CAMK2B: variants seen among roughly 807,000 people sequenced by gnomAD.
The protein encoded by CAMK2B is calcium/calmodulin-dependent protein kinase type II subunit beta.
In CAMK2B, 27 loss-of-function variants were observed where a neutral mutation model predicts 93.7. The ratio of observed to expected loss-of-function variants is 0.29; its 90% CI spans 0.21 to 0.40. CAMK2B has a LOEUF of 0.40. Ranked by LOEUF, CAMK2B falls within the 10% of genes least tolerant of loss-of-function variation. The probability of loss-of-function intolerance (pLI) is 1.00; values close to 1 mark genes in which losing one functional copy is unlikely to be tolerated. For synonymous variants in CAMK2B, 374 were observed against 358.8 expected (o/e 1.04, Z -0.48); for missense variants, 568 against 895.8 (o/e 0.63, Z 4.67).
At chr7:44,246,819 AC>A (rs1298555216) in intron 6 of CAMK2B, among the ~76,000 whole-genome samples, 1 of 152,164 alleles carries the variant, frequency 6.6e-6, no homozygotes, top group Non-Finnish European at 1.5e-5. Flanking sequence ...ACATGCACAC[AC>A]ATACTTCTAT....
At chr7:44,246,807 G>A (rs933166304) in intron 6 of CAMK2B, among the ~76,000 whole-genome samples, 4 of 151,900 alleles carry the variant, frequency 2.6e-5, no homozygotes, top group African/African-American at 9.7e-5. Flanking sequence ...ACACACGTAT[G>A]CACATGCACA....
rs1349213122 is a variant in CAMK2B at position 44,302,970 on chromosome 7, CTT to C, written c.66-18747_66-18746del. Among the ~76,000 whole-genome samples the C allele has an allele frequency of 2.6e-5, 4 of 152,094 alleles. No homozygotes were observed. The East Asian group carries it at 7.7e-4, about 29-fold the overall frequency. On this transcript the variant is annotated intron_variant, in intron 1 of 23. Coordinates refer to ENST00000395749, the MANE Select transcript of CAMK2B (RefSeq NM_001220.5). Reference sequence around the variant, plus strand: ...ATTGGAAAGGAAGAAATAAAACTGTCTTTGTTCATAAATGATATGCCTATATA... The same window carrying C: ...ATTGGAAAGGAAGAAATAAAACTGTCTGTTCATAAATGATATGCCTATATA...
chr7:44,290,987 T>G (rs963159243), intron 1 of CAMK2B, among the ~76,000 whole-genome samples: 1 of 152,206 alleles, frequency 6.6e-6, no homozygotes, highest in Non-Finnish European at 1.5e-5. Flanking sequence ...GATGTTTGGA[T>G]GTGTGCAAGT....
chr7:44,293,630 A>T (rs1787464226), intron 1 of CAMK2B, among the ~76,000 whole-genome samples: 1 of 152,232 alleles, frequency 6.6e-6, no homozygotes, highest in Admixed American at 6.5e-5. Context: ...ATTATCAGGC[A>T]TTAGTTAGAT....
At chr7:44,298,111 G>A (rs990117779) in intron 1 of CAMK2B, among the ~76,000 whole-genome samples, 2 of 152,022 alleles carry the variant, frequency 1.3e-5, no homozygotes, top group African/African-American at 4.8e-5. Flanking sequence ...GTGACAGAGT[G>A]AGACTCCATC....
At chr7:44,229,557 G>A (rs2096557950) in intron 17 of CAMK2B, 56 bp from the exon 18 acceptor site, 2 of 681,222 alleles carry the variant, frequency 2.9e-6, no homozygotes, top group East Asian at 1.1e-4. Context: ...GGAAAAGAAG[G>A]CAACTGGAGA....
chr7:44,292,937 G>T (rs371864550), intron 1 of CAMK2B, among the ~76,000 whole-genome samples: 2 of 152,212 alleles, frequency 1.3e-5, no homozygotes, highest in African/African-American at 4.8e-5. Context: ...ACCCAAACTT[G>T]ACGGCTCCAG....
At chr7:44,267,390 G>A (rs2096929889) in intron 2 of CAMK2B, among the ~76,000 whole-genome samples, 1 of 152,202 alleles carries the variant, frequency 6.6e-6, no homozygotes, top group Admixed American at 6.5e-5. Flanking sequence ...TTTAGAGGAT[G>A]AGTAGGAGTT....
intron 8 of CAMK2B, 69 bp downstream of exon 8, chr7:44,243,181 C>G: frequency 8.3e-7 from 1 of 1,204,012 alleles, no homozygotes. Context: ...ACTGCACACT[C>G]CAGGATGTAG....
chr7:44,290,167 C>A (rs1234392102), intron 1 of CAMK2B, among the ~76,000 whole-genome samples: 1 of 152,250 alleles, frequency 6.6e-6, no homozygotes, highest in African/African-American at 2.4e-5. Context: ...CACAGCAAGG[C>A]CACACGCAAT....
At chr7:44,322,820 G>A (rs1322892671) in intron 1 of CAMK2B, among the ~76,000 whole-genome samples, 1 of 152,258 alleles carries the variant, frequency 6.6e-6, no homozygotes, top group Non-Finnish European at 1.5e-5. Flanking sequence ...ATGAGCAGCT[G>A]TGGGCCTGAG....
intron 12 of CAMK2B, among the ~76,000 whole-genome samples, 159 bp downstream of exon 12, chr7:44,240,548 C>G (rs147460100): frequency 2.6e-5 from 4 of 152,188 alleles, no homozygotes; most frequent in Non-Finnish European, 4.4e-5. Context: ...GGGAGCCCAG[C>G]GGGGCCAGGT....
intron 17 of CAMK2B, 134 bp downstream of exon 17, chr7:44,230,872 G>T: frequency 1.4e-6 from 1 of 690,186 alleles, no homozygotes; most frequent in Non-Finnish European, 2.5e-6. Flanking sequence ...ACAGCTACAG[G>T]GTCCCTGAGC....
At chr7:44,221,697 G>A (rs1434561372) in intron 20 of CAMK2B, among the ~76,000 whole-genome samples, 1 of 152,238 alleles carries the variant, frequency 6.6e-6, no homozygotes, top group African/African-American at 2.4e-5. Context: ...CTACTCCCGG[G>A]CGCCTGCCTG....
At chr7:44,242,693 G>C (rs201707703) in intron 8 of CAMK2B, 39 bp from the exon 9 acceptor site, 18 of 1,443,562 alleles carry the variant, frequency 1.2e-5, no homozygotes, top group Non-Finnish European at 1.6e-5. Flanking sequence ...CCACTTGCAG[G>C]GTGCCACCGT....
At chr7:44,291,940 G>A (rs980841257) in intron 1 of CAMK2B, among the ~76,000 whole-genome samples, 9 of 152,130 alleles carry the variant, frequency 5.9e-5, no homozygotes, top group Middle Eastern at 3.2e-3. Context: ...CCTGAGCTTC[G>A]GAGCCCAACA....
intron 6 of CAMK2B, among the ~76,000 whole-genome samples, chr7:44,246,279 C>G (rs2096728737): frequency 6.6e-6 from 1 of 152,064 alleles, no homozygotes. Flanking sequence ...TTGTTACTAG[C>G]TGATTTCTCT....
At position 44,226,572 on chromosome 7, in the gene CAMK2B, G is replaced by T. The variant is rs763648872; in HGVS notation, c.1541C>A (p.Pro514Gln). The T allele has an allele frequency of 1.0e-5, 15 of 1,475,644 alleles. No individual in the cohort carries two copies. Among genetic ancestry groups the T allele is most frequent in the African/African-American group, 1.5e-5 (1 of 67,776 alleles). 91.4% of individuals were successfully genotyped at this position (1,475,644 alleles called of 1,614,324 possible). The change falls in exon 20 of 24, where the codon CCA becomes CAA. Residue 514 changes from proline to glutamine, a missense_variant. Physicochemically the swap from Pro to Gln is moderately conservative, Grantham distance 76 (BLOSUM62 -1). This residue lies in a region of CAMK2B where 308 missense variants were observed against 292.1 expected (regional missense o/e 1.05). Transcript: ENST00000395749. ...AGATGGGCAGGGCGGGGGCCCCACT[G>T]GCGAGGGGCCCTCGGCTTCTGGGGT... The part of the protein sequence containing the change: ...SGTPEAEGPS[P>Q]VGPPPCPSPT...
At chr7:44,317,973 T>C (rs1795219703) in intron 1 of CAMK2B, among the ~76,000 whole-genome samples, 1 of 152,122 alleles carries the variant, frequency 6.6e-6, no homozygotes, top group Non-Finnish European at 1.5e-5. Flanking sequence ...CCCATTTCCC[T>C]AGTGTCTGGC....
Sources: gnomAD v4.1 joint callset for allele counts (sites outside exome capture counted in the v4.1 genomes callset) on GRCh38, gnomAD v4.1.1 for gene constraint, gnomAD v4.1.1 regional missense constraint, MANE v1.5 for transcripts, NCBI Gene and HGNC (gene_info 2026-07-23, HGNC 2026-07-21) for gene names.